Variants in ZNF420 observed in about 807,000 individuals in gnomAD.
ZNF420 encodes ATM and p53-associated KZNF protein.
ZNF420 carries 31 observed loss-of-function variants against 44.7 expected under a neutral mutation model. The ratio of observed to expected loss-of-function variants is 0.69; its 90% CI spans 0.52 to 0.94. The LOEUF is 0.94. Ranked by LOEUF, ZNF420 falls within the 40% of genes least tolerant of loss-of-function variation. The pLI is 0.00. For synonymous variants in ZNF420, 245 were observed against 267.4 expected, an observed-to-expected ratio of 0.92 and a Z score of 0.82; for missense variants, 681 against 827.9, an observed-to-expected ratio of 0.82 and a Z score of 2.18.
chr19:37,127,985 G>GA lies in ZNF420; in HGVS notation c.999dup (p.Pro334ThrfsTer3). On this transcript the variant is annotated frameshift_variant, in exon 5 of 5. Coordinates refer to ENST00000337995, the MANE Select transcript of ZNF420 (RefSeq NM_144689.5). LOFTEE classifies it high-confidence loss of function. The stretch of plus-strand genomic sequence containing the variant: ...TCAACATCAGAAAATTCATAATGGG[G>GA]AAAAACCATATGAATGTAAGGAATG... 2 of 1,613,908 alleles carry GA rather than the reference G, an allele frequency of 1.2e-6. No individual in the cohort carries two copies. The highest frequency in any genetic ancestry group is 1.7e-6 in the Non-Finnish European group (2 of 1,179,932).
intron 1 of ZNF420, among the ~76,000 whole-genome samples, chr19:37,019,382 T>C (rs1251423459): frequency 6.6e-6 from 1 of 152,194 alleles, no homozygotes; most frequent in Non-Finnish European, 1.5e-5. Flanking sequence ...ATAAGAGCTG[T>C]TGGTAATGAT....
At chr19:37,071,779 C>A (rs1179245492) in intron 1 of ZNF420, among the ~76,000 whole-genome samples, 1 of 151,100 alleles carries the variant, frequency 6.6e-6, no homozygotes, top group Non-Finnish European at 1.5e-5. Flanking sequence ...CCAGCCTGGG[C>A]AACAGAGTGA....
intron 2 of ZNF420, among the ~76,000 whole-genome samples, chr19:37,084,874 TA>T (rs1968667348): frequency 3.3e-5 from 5 of 152,334 alleles, no homozygotes; most frequent in African/African-American, 1.2e-4. Context: ...ACTTTGGTAA[TA>T]TTTTTTTTTG....
intron 1 of ZNF420, among the ~76,000 whole-genome samples, chr19:37,044,594 G>A (rs994022604): frequency 2.6e-5 from 4 of 152,006 alleles, no homozygotes; most frequent in African/African-American, 4.8e-5. Context: ...GGCCGGGTGC[G>A]GTGGCTCATG....
chr19:37,108,020 G>A (rs531483738), intron 4 of ZNF420, among the ~76,000 whole-genome samples: 7 of 152,094 alleles, frequency 4.6e-5, no homozygotes, highest in Non-Finnish European at 1.0e-4. Flanking sequence ...TGGAAATGAT[G>A]TTCTAAGCTC....
chr19:37,038,436 G>T (rs138314135), intron 1 of ZNF420, among the ~76,000 whole-genome samples: 1 of 152,276 alleles, frequency 6.6e-6, no homozygotes, highest in East Asian at 1.9e-4. Context: ...AGATTTCACT[G>T]TAGCATGCTG....
intron 1 of ZNF420, among the ~76,000 whole-genome samples, chr19:37,013,371 C>T (rs1380419548): frequency 6.6e-6 from 1 of 152,188 alleles, no homozygotes; most frequent in African/African-American, 2.4e-5. Flanking sequence ...TGATCCCCTC[C>T]ATCGTCTGGG....
At chr19:37,126,096 C>T (rs1381689594) in intron 4 of ZNF420, among the ~76,000 whole-genome samples, 4 of 151,760 alleles carry the variant, frequency 2.6e-5, no homozygotes, top group Non-Finnish European at 4.4e-5. Flanking sequence ...TTTAGCCACC[C>T]ACTCTTTATT....
Position 37,128,869 on chromosome 19 carries a change from G to T in ZNF420, c.1878G>T (p.Gln626His). 6.2e-7 allele frequency: 1 copy of T among 1,612,352 alleles called. No individual in the cohort carries two copies. Among genetic ancestry groups the T allele is most frequent in the South Asian group, 1.1e-5 (1 of 91,002 alleles). Reference sequence around the variant, plus strand: ...GAGAATGTAGAAAGGCCTTTACTCAGAGTTCACATCTTTCTCGGCATCAGA... The same window carrying T: ...GAGAATGTAGAAAGGCCTTTACTCATAGTTCACATCTTTCTCGGCATCAGA... ...ECRECRKAFT[Q>H]SSHLSRHQRI... is the part of the protein sequence containing the mutation. The change falls in exon 5 of 5, where the codon CAG (glutamine) becomes CAT (histidine). Residue 626 changes from glutamine to histidine, a missense_variant. By Grantham distance (24) the Gln-to-His change is conservative. This residue lies in a region of ZNF420 where 280 missense variants were observed against 338.6 expected (regional missense o/e 0.83). Coordinates refer to ENST00000337995, the MANE Select transcript of ZNF420 (RefSeq NM_144689.5).
intron 4 of ZNF420, among the ~76,000 whole-genome samples, chr19:37,116,119 C>A (rs1970666742): frequency 6.6e-6 from 1 of 152,094 alleles, no homozygotes; most frequent in South Asian, 2.1e-4. Context: ...CTACTTCTTT[C>A]TACATAGACA....
At chr19:37,053,747 G>A (rs941217821) in intron 1 of ZNF420, among the ~76,000 whole-genome samples, 3 of 152,046 alleles carry the variant, frequency 2.0e-5, no homozygotes, top group Non-Finnish European at 2.9e-5. Context: ...GTACCTGGCC[G>A]TGTGAGGTGT....
chr19:37,059,813 A>G (rs560215061), intron 1 of ZNF420, among the ~76,000 whole-genome samples: 75 of 132,966 alleles, frequency 5.6e-4, no homozygotes, highest in African/African-American at 1.6e-3. Context: ...TCTCTCTCTC[A>G]CTCTATCTCT....
intron 4 of ZNF420, among the ~76,000 whole-genome samples, chr19:37,106,555 G>A (rs1307441087): frequency 3.9e-5 from 6 of 152,124 alleles, no homozygotes; most frequent in South Asian, 2.1e-4. Flanking sequence ...TAGGAAGCAC[G>A]ATTTAGGCCG....
At chr19:37,036,926 T>C (rs1967365545) in intron 1 of ZNF420, among the ~76,000 whole-genome samples, 1 of 152,250 alleles carries the variant, frequency 6.6e-6, no homozygotes, top group Admixed American at 6.5e-5. Flanking sequence ...AAGTTGAGTG[T>C]AGAATTCTCA....
intron 4 of ZNF420, among the ~76,000 whole-genome samples, chr19:37,119,556 A>C (rs2145285874): frequency 6.6e-6 from 1 of 152,322 alleles, no homozygotes; most frequent in Non-Finnish European, 1.5e-5. Context: ...ACCACAATTA[A>C]AAGAACTAGA....
At chr19:37,020,714 TTAAA>T (rs1289980373) in intron 1 of ZNF420, among the ~76,000 whole-genome samples, 1 of 152,194 alleles carries the variant, frequency 6.6e-6, no homozygotes, top group East Asian at 1.9e-4. Context: ...TATTCAGCCT[TTAAA>T]TAGAAGGAAA....
intron 1 of ZNF420, among the ~76,000 whole-genome samples, chr19:37,072,114 T>G (rs760309990): frequency 6.6e-6 from 1 of 152,234 alleles, no homozygotes; most frequent in South Asian, 2.1e-4. Context: ...GGTTTCATTC[T>G]ACCTGATTCT....
intron 4 of ZNF420, among the ~76,000 whole-genome samples, chr19:37,104,516 G>A (rs950485411): frequency 2.6e-5 from 4 of 152,128 alleles, no homozygotes; most frequent in Non-Finnish European, 5.9e-5. Context: ...TGGGATAGCT[G>A]GGTCAAATGG....
chr19:37,029,882 A>G (rs1383976283), intron 1 of ZNF420, among the ~76,000 whole-genome samples: 1 of 152,036 alleles, frequency 6.6e-6, no homozygotes, highest in Non-Finnish European at 1.5e-5. Flanking sequence ...GGATATATAT[A>G]TACATAGTCA....
Sources: gnomAD v4.1 joint callset for allele counts (sites outside exome capture counted in the v4.1 genomes callset) on GRCh38, gnomAD v4.1.1 for gene constraint, gnomAD v4.1.1 regional missense constraint, MANE v1.5 for transcripts, NCBI Gene and HGNC (gene_info 2026-07-23, HGNC 2026-07-21) for gene names.